Variants in ZNF366 observed in about 807,000 individuals in gnomAD.
The protein encoded by ZNF366 is dendritic cell-specific transcript protein.
A neutral mutation model predicts 47.2 loss-of-function variants in ZNF366; 20 were observed. That is an observed-to-expected ratio of 0.42 (90% CI 0.30 to 0.62). ZNF366 has a LOEUF of 0.62. Among genes scored for constraint, ZNF366 ranks in the 20% least tolerant of loss-of-function variants. ZNF366 has a pLI of 0.16. For missense variants in ZNF366, 987 were observed against 976.3 expected, an observed-to-expected ratio of 1.01 and a Z score of -0.15; for synonymous variants, 421 against 395.1, an observed-to-expected ratio of 1.07 and a Z score of -0.78.
intron 4 of ZNF366, among the ~76,000 whole-genome samples, chr5:72,444,751 C>T (rs966772020): frequency 1.3e-5 from 2 of 151,898 alleles, no homozygotes; most frequent in African/African-American, 4.8e-5. Context: ...AAGATATTTG[C>T]TATGTATTTT....
At chr5:72,497,368 A>T (rs1253445665) in intron 1 of ZNF366, among the ~76,000 whole-genome samples, 1 of 152,110 alleles carries the variant, frequency 6.6e-6, no homozygotes, top group African/African-American at 2.4e-5. Flanking sequence ...ATGGATATGG[A>T]ATCGTTTCAG....
chr5:72,496,589 A>T (rs1392404171), intron 1 of ZNF366, among the ~76,000 whole-genome samples: 1 of 152,236 alleles, frequency 6.6e-6, no homozygotes, highest in Non-Finnish European at 1.5e-5. Context: ...ATAATGCTGC[A>T]GTGAACATTG....
At chr5:72,462,182 G>C (rs528935640) in intron 1 of ZNF366, among the ~76,000 whole-genome samples, 1 of 152,194 alleles carries the variant, frequency 6.6e-6, no homozygotes, top group Non-Finnish European at 1.5e-5. Flanking sequence ...GGCATAGGGA[G>C]TGAATGACAT....
In ZNF366 at chr5:72,443,868, G is replaced by C; in HGVS notation, c.2123C>G (p.Thr708Ser). ...ATCAGAAAAAGAGGGGCCCCGCCGG[G>C]TACTCTGAAAAGCCCTGAGACTGAG... Reference protein sequence around the residue: ...ECLSLRAFQSTRRGPSFSDYL... With the variant: ...ECLSLRAFQSSRRGPSFSDYL... Residue 708 changes from threonine to serine, a missense_variant, in exon 5 of 5, where the codon ACC (threonine) becomes AGC (serine). Thr to Ser is a moderately conservative substitution (Grantham distance 58). Coordinates refer to ENST00000318442, the MANE Select transcript of ZNF366 (RefSeq NM_152625.3). The C allele has an allele frequency of 4.3e-6, 7 of 1,614,188 alleles. No individual in the cohort carries two copies. The highest frequency in any genetic ancestry group is 5.1e-6 in the Non-Finnish European group (6 of 1,180,042).
intron 3 of ZNF366, among the ~76,000 whole-genome samples, 153 bp downstream of exon 3, chr5:72,456,251 G>C (rs1743183367): frequency 6.6e-6 from 1 of 152,168 alleles, no homozygotes; most frequent in Admixed American, 6.5e-5. Flanking sequence ...GTGCAGAGAG[G>C]GATAGAGTGG....
chr5:72,444,395 AT>A, intron 4 of ZNF366, 104 bp from the exon 5 acceptor site: 1 of 1,253,188 alleles, frequency 8.0e-7, no homozygotes, highest in Non-Finnish European at 1.1e-6. Flanking sequence ...TCCGATGCGT[AT>A]TTTAAAAATA....
At chr5:72,444,362 C>G in intron 4 of ZNF366, 71 bp from the exon 5 acceptor site, 1 of 1,507,770 alleles carries the variant, frequency 6.6e-7, no homozygotes, top group Non-Finnish European at 8.9e-7. Flanking sequence ...GGAAGGGGAG[C>G]AGCCCGGGGC....
At chr5:72,457,007 C>T (rs946677579) in intron 2 of ZNF366, among the ~76,000 whole-genome samples, 1 of 152,124 alleles carries the variant, frequency 6.6e-6, no homozygotes, top group Non-Finnish European at 1.5e-5. Flanking sequence ...TATCATTTCC[C>T]TTATGGAAAC....
intron 1 of ZNF366, among the ~76,000 whole-genome samples, chr5:72,500,322 G>C (rs1034817864): frequency 2.0e-5 from 3 of 152,134 alleles, no homozygotes; most frequent in Non-Finnish European, 2.9e-5. Flanking sequence ...AGGGTAATCT[G>C]CCTGAAATAC....
intron 1 of ZNF366, among the ~76,000 whole-genome samples, chr5:72,477,115 A>G (rs1273518531): frequency 6.6e-6 from 1 of 152,214 alleles, no homozygotes; most frequent in Non-Finnish European, 1.5e-5. Flanking sequence ...TTTTCTTTAC[A>G]ATATTAAAAA....
chr5:72,456,715 G>T, intron 2 of ZNF366, 120 bp from the exon 3 acceptor site: 1 of 1,010,938 alleles, frequency 9.9e-7, no homozygotes, highest in Non-Finnish European at 1.4e-6. Flanking sequence ...GATAGATGTT[G>T]AGTTTCAAAT....
intron 1 of ZNF366, among the ~76,000 whole-genome samples, chr5:72,464,810 C>T (rs947051658): frequency 6.6e-6 from 1 of 152,118 alleles, no homozygotes; most frequent in Non-Finnish European, 1.5e-5. Context: ...CCTGTAATCC[C>T]AGCAATTTGG....
Position 72,507,249 on chromosome 5 carries a change from A to T in ZNF366, c.-15+2T>A. 1 of 985,506 alleles carries T rather than the reference A, an allele frequency of 1.0e-6. No homozygotes were observed. Among genetic ancestry groups the T allele is most frequent in the Non-Finnish European group, 1.2e-6 (1 of 829,998 alleles). 61.0% of individuals were successfully genotyped at this position (985,506 alleles called of 1,614,324 possible). Reference sequence around the variant, plus strand: ...GCAGAAATGATTGCATGGGTAACTTACCAGCTCCTGAGGTCTGAATGGCTG... The same window carrying T: ...GCAGAAATGATTGCATGGGTAACTTTCCAGCTCCTGAGGTCTGAATGGCTG... On this transcript the variant is annotated splice_donor_variant, in intron 1 of 4. Transcript: ENST00000318442. LOFTEE classifies it low-confidence loss of function (5UTR_SPLICE).
chr5:72,447,574 G>A lies in ZNF366; in HGVS notation c.1525-157C>T, dbSNP rs1490888188. Among the ~76,000 whole-genome samples, 4 of 152,230 alleles carry A rather than the reference G, an allele frequency of 2.6e-5. No homozygotes were observed. The East Asian group carries it at 7.7e-4, about 29-fold the overall frequency. On this transcript the variant is annotated intron_variant, in intron 3 of 4. Transcript: ENST00000318442. Reference sequence around the variant, plus strand: ...ATAAGGAAATCAGGAAGGAGCCTCAGAGGTGGAGCAAGTAGGGGTAGATTC... The same window carrying A: ...ATAAGGAAATCAGGAAGGAGCCTCAAAGGTGGAGCAAGTAGGGGTAGATTC...
At chr5:72,458,788 C>G (rs1447120220) in intron 2 of ZNF366, among the ~76,000 whole-genome samples, 1 of 152,226 alleles carries the variant, frequency 6.6e-6, no homozygotes, top group African/African-American at 2.4e-5. Context: ...AATACTACCT[C>G]TCACTGTTTG....
In ZNF366 at chr5:72,456,534, T is replaced by C; in HGVS notation, c.1394A>G (p.Lys465Arg). The C allele has an allele frequency of 6.2e-7, 1 of 1,613,050 alleles. No individual in the cohort carries two copies. The highest frequency in any genetic ancestry group is 8.5e-7 in the Non-Finnish European group (1 of 1,179,260). Residue 465 changes from lysine to arginine, a missense_variant, in exon 3 of 5, where the codon AAG becomes AGG. This residue lies in a region of ZNF366 where 111 missense variants were observed against 180.5 expected (regional missense o/e 0.61). Transcript: ENST00000318442. ...GREFTLLANM[K>R]RHVLIHTNIR... Reference sequence around the variant, plus strand: ...GTTGGTGTGGATCAGCACGTGTCGCTTCATGTTGGCCAGCAGGGTGAACTC... The same window carrying C: ...GTTGGTGTGGATCAGCACGTGTCGCCTCATGTTGGCCAGCAGGGTGAACTC...
intron 3 of ZNF366, among the ~76,000 whole-genome samples, chr5:72,456,018 C>T (rs888648489): frequency 6.6e-6 from 1 of 152,178 alleles, no homozygotes; most frequent in African/African-American, 2.4e-5. Context: ...CTATGTCCTG[C>T]TCATTGCCTT....
At chr5:72,461,786 T>C (rs1743319316) in intron 1 of ZNF366, among the ~76,000 whole-genome samples, 1 of 152,104 alleles carries the variant, frequency 6.6e-6, no homozygotes, top group South Asian at 2.1e-4. Context: ...CAAGGGGTGA[T>C]GGTAGCAAGG....
intron 1 of ZNF366, chr5:72,472,412 G>A (rs1743585715): frequency 5.0e-6 from 1 of 199,982 alleles, no homozygotes; most frequent in Admixed American, 6.5e-5. Flanking sequence ...TGAAAAGGAT[G>A]AAGGACTATC....
Sources: gnomAD v4.1 joint callset for allele counts (sites outside exome capture counted in the v4.1 genomes callset) on GRCh38, gnomAD v4.1.1 for gene constraint, gnomAD v4.1.1 regional missense constraint, MANE v1.5 for transcripts, NCBI Gene and HGNC (gene_info 2026-07-23, HGNC 2026-07-21) for gene names.